The following DPYD variants were observed in gnomAD, a reference collection of about 807,000 sequenced individuals.
The protein encoded by DPYD is dihydropyrimidine dehydrogenase [NADP(+)].
A neutral mutation model predicts 116.2 loss-of-function variants in DPYD; 109 were observed. The observed-to-expected ratio is 0.94, with a 90% CI of 0.80 to 1.10. The LOEUF (loss-of-function observed/expected upper bound fraction) is 1.10, where lower values mean the gene tolerates loss of function less well. DPYD is among the 50% of genes least tolerant of loss of function. DPYD has a pLI of 0.00. For missense variants in DPYD, 1,302 were observed against 1,254.5 expected (o/e 1.04, Z -0.57); for synonymous variants, 440 against 432.0 (o/e 1.02, Z -0.23).
chr1:97,474,472 C>A (rs1305497113), intron 13 of DPYD, among the ~76,000 whole-genome samples: 1 of 151,714 alleles, frequency 6.6e-6, no homozygotes, highest in Non-Finnish European at 1.5e-5. Context: ...ATTTAAAATC[C>A]TTTGAAAAGA....
chr1:97,529,621 C>A (rs989495104), intron 12 of DPYD, among the ~76,000 whole-genome samples: 1 of 152,090 alleles, frequency 6.6e-6, no homozygotes, highest in Non-Finnish European at 1.5e-5. Flanking sequence ...CAAAAGTTTA[C>A]TTGTGTCCCT....
At chr1:97,759,036 GAC>G (rs1382320275) in intron 3 of DPYD, among the ~76,000 whole-genome samples, 1 of 152,108 alleles carries the variant, frequency 6.6e-6, no homozygotes, top group Non-Finnish European at 1.5e-5. Flanking sequence ...AGCTATTCAA[GAC>G]ACAGTTATTT....
At chr1:97,433,051 T>C (rs144710662) in intron 14 of DPYD, among the ~76,000 whole-genome samples, 2 of 152,306 alleles carry the variant, frequency 1.3e-5, no homozygotes, top group East Asian at 3.9e-4. Context: ...CATGGTTTTT[T>C]GTGCTTCAGG....
intron 4 of DPYD, among the ~76,000 whole-genome samples, chr1:97,722,881 T>C (rs1465986967): frequency 6.6e-6 from 1 of 151,534 alleles, no homozygotes; most frequent in African/African-American, 2.4e-5. Flanking sequence ...CAAAAATTCC[T>C]AGATGCAAGA....
At chr1:97,318,129 C>A (rs1175028253) in intron 16 of DPYD, among the ~76,000 whole-genome samples, 2 of 147,074 alleles carry the variant, frequency 1.4e-5, no homozygotes, top group African/African-American at 2.5e-5. Context: ...CAAAATCATG[C>A]CAAAATGTAA....
intron 13 of DPYD, among the ~76,000 whole-genome samples, chr1:97,510,432 A>T (rs1379330823): frequency 6.6e-6 from 1 of 152,002 alleles, no homozygotes; most frequent in African/African-American, 2.4e-5. Flanking sequence ...GTCTTTCTAT[A>T]TCACAGAATC....
At chr1:97,316,225 C>T (rs1427894842) in intron 16 of DPYD, among the ~76,000 whole-genome samples, 2 of 151,736 alleles carry the variant, frequency 1.3e-5, no homozygotes, top group Admixed American at 1.3e-4. Flanking sequence ...CACATTGGCT[C>T]ATGCCTGTAA....
At chr1:97,300,728 C>G (rs1224410150) in intron 18 of DPYD, among the ~76,000 whole-genome samples, 1 of 151,996 alleles carries the variant, frequency 6.6e-6, no homozygotes, top group East Asian at 1.9e-4. Context: ...TTTGTGTTTA[C>G]GTAATGCCCA....
chr1:97,430,034 C>A (rs1397972560), intron 14 of DPYD, among the ~76,000 whole-genome samples: 1 of 152,108 alleles, frequency 6.6e-6, no homozygotes, highest in Non-Finnish European at 1.5e-5. Flanking sequence ...CAGACTAAGT[C>A]ATATAATGCT....
At chr1:97,465,583 G>A (rs956246617) in intron 13 of DPYD, among the ~76,000 whole-genome samples, 3 of 152,144 alleles carry the variant, frequency 2.0e-5, no homozygotes, top group African/African-American at 7.2e-5. Context: ...TATAAAAGGA[G>A]TTTTTCTGCA....
At chr1:97,819,200 T>C (rs1668790152) in intron 3 of DPYD, among the ~76,000 whole-genome samples, 1 of 152,020 alleles carries the variant, frequency 6.6e-6, no homozygotes, top group Non-Finnish European at 1.5e-5. Flanking sequence ...ATGTTCTCTG[T>C]GCATAGAAGA....
chr1:97,541,061 T>G (rs1290707876), intron 12 of DPYD, among the ~76,000 whole-genome samples: 10 of 152,204 alleles, frequency 6.6e-5, no homozygotes, highest in African/African-American at 1.9e-4. Context: ...CTGACAGATT[T>G]ACTGGACTAT....
chr1:97,094,542 C>T (rs1365767545), intron 21 of DPYD, among the ~76,000 whole-genome samples: 2 of 151,992 alleles, frequency 1.3e-5, no homozygotes, highest in African/African-American at 2.4e-5. Context: ...TGAACTGCAG[C>T]TTTTTGAGTT....
At chr1:97,468,189 C>T (rs1259517705) in intron 13 of DPYD, among the ~76,000 whole-genome samples, 4 of 152,210 alleles carry the variant, frequency 2.6e-5, no homozygotes, top group African/African-American at 9.6e-5. Context: ...ATGTATTAAT[C>T]AGTTGTTGCT....
At chr1:97,267,120 G>GGTTGAACTAGTTTT (rs1199206678) in intron 18 of DPYD, among the ~76,000 whole-genome samples, 3 of 152,118 alleles carry the variant, frequency 2.0e-5, no homozygotes, top group African/African-American at 7.2e-5. Context: ...CTTCCACAAT[G>GGTTGAACTAGTTTT]GTTGAACTAG....
chr1:97,380,819 G>C (rs745451404), intron 15 of DPYD, among the ~76,000 whole-genome samples: 2 of 152,068 alleles, frequency 1.3e-5, no homozygotes, highest in Non-Finnish European at 2.9e-5. Flanking sequence ...AAGGAAATCT[G>C]TTTTAACCGG....
At chr1:97,449,795 T>C (rs1416699257) in intron 14 of DPYD, among the ~76,000 whole-genome samples, 1 of 152,168 alleles carries the variant, frequency 6.6e-6, no homozygotes, top group African/African-American at 2.4e-5. Flanking sequence ...AAAATGAGTA[T>C]TTCATTTCTC....
chr1:97,223,416 CACAA>C (rs1660906129), intron 19 of DPYD, among the ~76,000 whole-genome samples: 1 of 151,360 alleles, frequency 6.6e-6, no homozygotes, highest in Non-Finnish European at 1.5e-5. Flanking sequence ...CACACACACA[CACAA>C]ACACACACAC....
intron 20 of DPYD, among the ~76,000 whole-genome samples, chr1:97,167,004 T>G (rs1656372588): frequency 6.6e-6 from 1 of 152,190 alleles, no homozygotes; most frequent in Non-Finnish European, 1.5e-5. Flanking sequence ...GAGAGTATAT[T>G]AATGCTAAAT....
Sources: gnomAD v4.1 joint callset for allele counts (sites outside exome capture counted in the v4.1 genomes callset) on GRCh38, gnomAD v4.1.1 for gene constraint, MANE v1.5 for transcripts, NCBI Gene and HGNC (gene_info 2026-07-23, HGNC 2026-07-21) for gene names.